The following GRAMD1B variants were observed in gnomAD, a reference collection of about 807,000 sequenced individuals.
GRAMD1B encodes protein Aster-B.
Under a neutral mutation model 99.7 loss-of-function variants are expected in GRAMD1B, and 37 were observed. That is an observed-to-expected ratio of 0.37 (90% CI 0.29 to 0.49). GRAMD1B has a LOEUF of 0.49. Among genes scored for constraint, GRAMD1B ranks in the 20% least tolerant of loss-of-function variants. The pLI, the probability that GRAMD1B is intolerant of heterozygous loss-of-function variation, is 0.98. For missense variants in GRAMD1B, 888 were observed against 1,009.2 expected (o/e 0.88, Z 1.63); for synonymous variants, 427 against 387.6 (o/e 1.10, Z -1.19).
At chr11:123,608,983 G>A (rs1198334115) in intron 12 of GRAMD1B, among the ~76,000 whole-genome samples, 181 bp downstream of exon 12, 1 of 151,986 alleles carries the variant, frequency 6.6e-6, no homozygotes, top group Non-Finnish European at 1.5e-5. Flanking sequence ...TTCAGGCCCT[G>A]TTGCCCTCCC....
At chr11:123,394,255 A>T (rs1947379631) in intron 1 of GRAMD1B, among the ~76,000 whole-genome samples, 1 of 152,204 alleles carries the variant, frequency 6.6e-6, no homozygotes. Flanking sequence ...ATTTTTTTAT[A>T]TTGGCAACAG....
chr11:123,467,649 G>A (rs1487607453), intron 1 of GRAMD1B, among the ~76,000 whole-genome samples: 2 of 151,952 alleles, frequency 1.3e-5, no homozygotes, highest in Non-Finnish European at 1.5e-5. Context: ...AATTCAAGTC[G>A]GCATCGCCAG....
intron 1 of GRAMD1B, among the ~76,000 whole-genome samples, chr11:123,392,443 C>G (rs1947314814): frequency 6.6e-6 from 1 of 151,732 alleles, no homozygotes; most frequent in Non-Finnish European, 1.5e-5. Context: ...AGAGAAACCA[C>G]TCAATAAAGG....
At chr11:123,570,538 C>T (rs562615260) in intron 2 of GRAMD1B, among the ~76,000 whole-genome samples, 12 of 151,254 alleles carry the variant, frequency 7.9e-5, no homozygotes, top group African/African-American at 2.4e-4. Context: ...ATTGTCTTGC[C>T]TAAGCCTCCT....
chr11:123,369,615 C>A (rs1464965281), intron 1 of GRAMD1B, among the ~76,000 whole-genome samples: 5 of 151,894 alleles, frequency 3.3e-5, no homozygotes, highest in Admixed American at 1.3e-4. Context: ...CTCATGCCTG[C>A]CATCCCAGCA....
rs994281484 is a variant in GRAMD1B at position 123,610,653 on chromosome 11, A to G, written c.1919+315A>G. ...TAGAACGACTCAAAGAGGTGGATTT[A>G]TCTTCATTTTTCAGATAAAACTGAG... On this transcript the variant is annotated intron_variant, in intron 14 of 19. Transcript: ENST00000635736. This position sits in a 1 kb window ranked among gnomAD's most constrained non-coding sequence, Gnocchi z 4.1. Among the ~76,000 whole-genome samples the G allele has an allele frequency of 6.6e-6, 1 of 152,206 alleles. No homozygotes were observed. Among genetic ancestry groups the G allele is most frequent in the Non-Finnish European group, 1.5e-5 (1 of 68,044 alleles).
At chr11:123,370,019 A>G (rs1207654784) in intron 1 of GRAMD1B, among the ~76,000 whole-genome samples, 1 of 152,162 alleles carries the variant, frequency 6.6e-6, no homozygotes, top group African/African-American at 2.4e-5. Context: ...AGTCACTTCA[A>G]GAGATAACTT....
intron 2 of GRAMD1B, among the ~76,000 whole-genome samples, chr11:123,519,513 T>A (rs1332859721): frequency 6.6e-6 from 1 of 152,216 alleles, no homozygotes; most frequent in Non-Finnish European, 1.5e-5. Flanking sequence ...ACCTCCAAAA[T>A]GCTCCTTAAA....
At chr11:123,505,583 C>T (rs149084646) in intron 2 of GRAMD1B, among the ~76,000 whole-genome samples, 1 of 152,266 alleles carries the variant, frequency 6.6e-6, no homozygotes, top group East Asian at 1.9e-4. Context: ...TTTGTAACAG[C>T]CTATGACTTG....
chr11:123,564,361 T>C (rs1947121039), intron 2 of GRAMD1B, among the ~76,000 whole-genome samples: 1 of 152,240 alleles, frequency 6.6e-6, no homozygotes, highest in Non-Finnish European at 1.5e-5. Context: ...ATGTTCTTTG[T>C]CATCCTCCTC....
Position 123,609,847 on chromosome 11 carries a change from G to A in GRAMD1B, c.1710G>A (p.Val570=). ...AGGAGAATGGAAACCAGAGCCGAGT[G>A]ATTCTTTACACCATCACCCTTACCA... ...KKEENGNQSR[V]ILYTITLTNP... is the part of the protein sequence containing the mutation. Residue 570 remains valine (V), a synonymous_variant, in exon 13 of 20, where the codon GTG becomes GTA. Transcript: ENST00000635736. 1 of 1,605,198 alleles carries A rather than the reference G, an allele frequency of 6.2e-7. No individual in the cohort carries two copies. Among genetic ancestry groups the A allele is most frequent in the Non-Finnish European group, 8.5e-7 (1 of 1,175,718 alleles).
intron 12 of GRAMD1B, among the ~76,000 whole-genome samples, 171 bp from the exon 13 acceptor site, chr11:123,609,624 G>A (rs889049044): frequency 3.9e-5 from 6 of 152,238 alleles, no homozygotes; most frequent in Non-Finnish European, 5.9e-5. Context: ...TTTCTGCTTC[G>A]GCTACTCCTC....
rs1322567746 is a variant in GRAMD1B at position 123,548,313 on chromosome 11, T to TACACACACACAC, written c.453-29053_453-29052insCACACACACACA. ...CAAAATATATATATATATATATATATATATATATATATACACACACACACA... is the reference window on the plus strand; with the variant it reads ...CAAAATATATATATATATATATATATACACACACACACATATATATATATACACACACACACA... On this transcript the variant is annotated intron_variant, in intron 2 of 19. Coordinates refer to ENST00000635736, the MANE Select transcript of GRAMD1B (RefSeq NM_001387025.1). Among the ~76,000 whole-genome samples, 10 of 85,482 alleles carry TACACACACACAC rather than the reference T, an allele frequency of 1.2e-4. No homozygotes were observed. The East Asian group carries it at 1.8e-3, about 15-fold the overall frequency. The allele number at this position is 85,482 out of a possible 152,430, so 56.1% of individuals were successfully genotyped here.
intron 1 of GRAMD1B, among the ~76,000 whole-genome samples, chr11:123,454,233 A>G (rs1001433606): frequency 2.0e-5 from 3 of 152,172 alleles, no homozygotes; most frequent in Non-Finnish European, 4.4e-5. Context: ...CATCTCTCCA[A>G]TTTCCTGACA....
intron 1 of GRAMD1B, among the ~76,000 whole-genome samples, chr11:123,398,508 A>G (rs1279239741): frequency 6.6e-6 from 1 of 152,206 alleles, no homozygotes; most frequent in African/African-American, 2.4e-5. Flanking sequence ...GACACATTCA[A>G]ACCATAGCAT....
intron 4 of GRAMD1B, among the ~76,000 whole-genome samples, chr11:123,589,638 T>C (rs890117607): frequency 1.0e-5 from 1 of 99,556 alleles, no homozygotes; most frequent in Non-Finnish European, 2.1e-5. Context: ...ATATATATAT[T>C]TGTAGTAGAG....
intron 1 of GRAMD1B, among the ~76,000 whole-genome samples, chr11:123,391,617 T>C (rs1234623147): frequency 6.6e-6 from 1 of 152,098 alleles, no homozygotes; most frequent in African/African-American, 2.4e-5. Flanking sequence ...CCAGCACGCC[T>C]GGCTAATTTT....
chr11:123,523,643 C>CT (rs1169464467), intron 2 of GRAMD1B, among the ~76,000 whole-genome samples: 1 of 152,098 alleles, frequency 6.6e-6, no homozygotes, highest in African/African-American at 2.4e-5. Flanking sequence ...TTCTGTGTTA[C>CT]TTGTGATCAG....
chr11:123,373,943 T>A lies in GRAMD1B; in HGVS notation c.-176+15144T>A, dbSNP rs376256588. On this transcript the variant is annotated intron_variant, in intron 1 of 20. Coordinates refer to the GRAMD1B transcript ENST00000638157. The stretch of plus-strand genomic sequence containing the variant: ...TTTGCTTTCCCCAGGGAGAATCCCA[T>A]CTGGATAAACTATCAGTTAACAGCC... 2.6e-5 allele frequency among the ~76,000 whole-genome samples: 4 copies of A among 152,334 alleles called. No homozygotes were observed. In the East Asian group the frequency reaches 7.7e-4, roughly 29 times the overall value.
Sources: gnomAD v4.1 joint callset for allele counts (sites outside exome capture counted in the v4.1 genomes callset) on GRCh38, gnomAD v4.1.1 for gene constraint, Gnocchi (gnomAD v3.1) non-coding constraint, MANE v1.5 for transcripts, NCBI Gene and HGNC (gene_info 2026-07-23, HGNC 2026-07-21) for gene names.